SLC36A1: variants seen among roughly 807,000 people sequenced by gnomAD.
SLC36A1 encodes the protein proton-coupled amino acid transporter 1.
Under a neutral mutation model 47.5 loss-of-function variants are expected in SLC36A1, and 30 were observed. The observed-to-expected ratio is 0.63, with a 90% CI of 0.47 to 0.86. SLC36A1 has a LOEUF of 0.86. Ranked by LOEUF, SLC36A1 falls within the 40% of genes least tolerant of loss-of-function variation. The probability of loss-of-function intolerance (pLI) is 0.00; values close to 1 mark genes in which losing one functional copy is unlikely to be tolerated. For missense variants in SLC36A1, 517 were observed against 606.0 expected, an observed-to-expected ratio of 0.85 and a Z score of 1.54; for synonymous variants, 255 against 249.7, an observed-to-expected ratio of 1.02 and a Z score of -0.20.
At chr5:151,515,476 T>C in the SLC36A1 span, among the ~76,000 whole-genome samples, 1 of 152,136 alleles carries the variant, frequency 6.6e-6, no homozygotes, top group African/African-American at 2.4e-5. Context: ...CCAGATCCAC[T>C]TGGAGGTCTA....
chr5:151,500,230 A>G, the SLC36A1 span, among the ~76,000 whole-genome samples: 1 of 152,192 alleles, frequency 6.6e-6, no homozygotes, highest in Non-Finnish European at 1.5e-5. Flanking sequence ...CTGGACTGGA[A>G]TCCTGGTCCT....
chr5:151,391,964 T>C, the SLC36A1 span, among the ~76,000 whole-genome samples: 4 of 152,204 alleles, frequency 2.6e-5, no homozygotes, highest in African/African-American at 9.6e-5. Context: ...TTGGAATAGT[T>C]TCAGAAGGAA....
intron 1 of SLC36A1, among the ~76,000 whole-genome samples, chr5:151,458,109 A>G (rs1459934426): frequency 6.6e-6 from 1 of 151,588 alleles, no homozygotes; most frequent in Non-Finnish European, 1.5e-5. Flanking sequence ...TGGCCTCCCA[A>G]AGTGCTGGGG....
At chr5:151,543,333 G>A in the SLC36A1 span, 2 of 1,614,166 alleles carry the variant, frequency 1.2e-6, no homozygotes, top group Non-Finnish European at 1.7e-6. Flanking sequence ...AGTCTTTACT[G>A]ACATTGGATT....
chr5:151,433,247 TATATATATATATATATATA>T (rs1295646574), upstream of SLC36A1, among the ~76,000 whole-genome samples: 9 of 14,434 alleles, frequency 6.2e-4, no homozygotes, highest in East Asian at 4.6e-3. Context: ...TATATATATA[TATATATATATATATATATA>T]TTTTTTTTTT....
chr5:151,376,023 G>A, the SLC36A1 span, among the ~76,000 whole-genome samples: 4 of 152,024 alleles, frequency 2.6e-5, no homozygotes, highest in Non-Finnish European at 4.4e-5. Flanking sequence ...AGGACTTCCA[G>A]TACCATGTTG....
chr5:151,512,451 G>A, the SLC36A1 span: 1 of 1,614,130 alleles, frequency 6.2e-7, no homozygotes, highest in Non-Finnish European at 8.5e-7. The surrounding 1 kb of genome is among the most constrained non-coding windows in gnomAD (Gnocchi z 4.1). Flanking sequence ...CAAGGGAGGT[G>A]TTGCCCATGC....
At chr5:151,417,280 A>G in the SLC36A1 span, among the ~76,000 whole-genome samples, 2 of 152,336 alleles carry the variant, frequency 1.3e-5, no homozygotes, top group South Asian at 4.1e-4. Context: ...GAAAGTTTGG[A>G]ACTTCCTAGA....
the SLC36A1 span, chr5:151,505,797 G>A: frequency 6.2e-7 from 1 of 1,614,010 alleles, no homozygotes; most frequent in Non-Finnish European, 8.5e-7. Context: ...GTAGCTGATG[G>A]CCGTGTACTC....
At chr5:151,458,989 C>T in intron 2 of SLC36A1, 54 bp downstream of exon 2, 1 of 1,536,386 alleles carries the variant, frequency 6.5e-7, no homozygotes, top group Non-Finnish European at 8.8e-7. Flanking sequence ...TCCTAAGCCT[C>T]CCTTGGACTT....
intron 8 of SLC36A1, among the ~76,000 whole-genome samples, chr5:151,475,026 A>C (rs999222475): frequency 6.6e-6 from 1 of 151,408 alleles, no homozygotes; most frequent in Non-Finnish European, 1.5e-5. Flanking sequence ...GGGAGTGATC[A>C]CATGTAAATC....
At chr5:151,432,866 T>C (rs1173007633), upstream of SLC36A1, among the ~76,000 whole-genome samples, 1 of 152,072 alleles carries the variant, frequency 6.6e-6, no homozygotes, top group Non-Finnish European at 1.5e-5. Context: ...AGAACTTGAA[T>C]GAGCTTGGAA....
chr5:151,421,214 TTCCTCCC>T, the SLC36A1 span, among the ~76,000 whole-genome samples: 1 of 146,744 alleles, frequency 6.8e-6, no homozygotes, highest in African/African-American at 2.6e-5. Flanking sequence ...CCTTCCTTCC[TTCCTCCC>T]TTTCTTTCCT....
Position 151,458,858 on chromosome 5 carries a change from G to A in SLC36A1, c.66G>A (p.Glu22=), listed in dbSNP as rs771962276. The change falls in exon 2 of 11, where the codon GAG becomes GAA. Residue 22 remains glutamate, a synonymous_variant. Transcript: ENST00000243389. ...HDYSSTDVSP[E]ESPSEGLNNL... Reference sequence around the variant, plus strand: ...ACAGCTCCACGGACGTGAGCCCTGAGGAGAGCCCGTCGGAAGGCCTCAACA... The same window carrying A: ...ACAGCTCCACGGACGTGAGCCCTGAAGAGAGCCCGTCGGAAGGCCTCAACA... 3.7e-6 allele frequency: 6 copies of A among 1,614,020 alleles called. No individual in the cohort carries two copies. The East Asian group carries it at 1.3e-4, about 36-fold the overall frequency.
At chr5:151,428,084 C>A in the SLC36A1 span, among the ~76,000 whole-genome samples, 95 of 152,278 alleles carry the variant, frequency 6.2e-4, no homozygotes, top group African/African-American at 2.0e-3. Flanking sequence ...GAGGTGGTGG[C>A]TCTCCCTGGC....
At chr5:151,475,393 C>T (rs139798839) in intron 8 of SLC36A1, among the ~76,000 whole-genome samples, 112 of 152,290 alleles carry the variant, frequency 7.4e-4, no homozygotes, top group Middle Eastern at 3.4e-3. Flanking sequence ...CATTTGTTTT[C>T]AAGATTTCTT....
At chr5:151,454,709 G>GTTTT (rs1561730689) in intron 1 of SLC36A1, among the ~76,000 whole-genome samples, 3 of 99,564 alleles carry the variant, frequency 3.0e-5, no homozygotes, top group African/African-American at 1.4e-4. Flanking sequence ...CCATGTGACA[G>GTTTT]CTTTTTTTTT....
chr5:151,396,530 C>T, the SLC36A1 span, among the ~76,000 whole-genome samples: 2 of 151,846 alleles, frequency 1.3e-5, no homozygotes, highest in African/African-American at 4.8e-5. Context: ...TCTTTAGGGC[C>T]ATTGACTTAC....
chr5:151,511,233 T>A, the SLC36A1 span: 1 of 151,960 alleles, frequency 6.6e-6, no homozygotes, highest in African/African-American at 2.4e-5. Context: ...CAGACAAAAA[T>A]CAGAAAAAGG....
Sources: allele counts gnomAD v4.1 joint callset (sites outside exome capture counted in the v4.1 genomes callset), GRCh38; gene constraint gnomAD v4.1.1; non-coding constraint Gnocchi (gnomAD v3.1); transcripts MANE v1.5; gene names NCBI Gene and HGNC (gene_info 2026-07-23, HGNC 2026-07-21).